Variants in HCRTR2 observed in about 807,000 individuals in gnomAD.
HCRTR2 encodes orexin receptor type 2.
A neutral mutation model predicts 49.0 loss-of-function variants in HCRTR2; 22 were observed. The observed-to-expected ratio is 0.45, with a 90% CI of 0.32 to 0.64. HCRTR2 has a LOEUF of 0.64. HCRTR2 is among the 30% of genes least tolerant of loss of function. The pLI, the probability that HCRTR2 is intolerant of heterozygous loss-of-function variation, is 0.04. For missense variants in HCRTR2, 491 were observed against 559.4 expected (o/e 0.88, Z 1.23); for synonymous variants, 236 against 205.3 (o/e 1.15, Z -1.28).
At chr6:55,141,488 T>G (rs188855876) in intron 1 of HCRTR2, among the ~76,000 whole-genome samples, 2 of 152,336 alleles carry the variant, frequency 1.3e-5, no homozygotes, top group Admixed American at 1.3e-4. Flanking sequence ...AAATTCTATT[T>G]TAATTATCTG....
intron 1 of HCRTR2, among the ~76,000 whole-genome samples, chr6:55,150,392 A>G (rs1764649030): frequency 6.6e-6 from 1 of 151,678 alleles, no homozygotes; most frequent in Admixed American, 6.6e-5. Context: ...ATTTAAGTAT[A>G]CAATACACAT....
chr6:55,117,784 A>G (rs1367165307), intron 1 of HCRTR2, among the ~76,000 whole-genome samples: 1 of 13,338 alleles, frequency 7.5e-5, no homozygotes, highest in African/African-American at 1.8e-4. Flanking sequence ...ATAAAGTCTC[A>G]AAAAAAAAAA....
rs964388682 is a variant in HCRTR2, at chr6:55,184,609, A to T, written c.223+9799A>T. ...AACAATCAATGAAGATGCTACATTG[A>T]CCCCAAGTGAGCCCTTAGGGAATTT... On this transcript the variant is annotated intron_variant, in intron 1 of 6. Coordinates refer to ENST00000370862, the MANE Select transcript of HCRTR2 (RefSeq NM_001384272.1). Among the ~76,000 whole-genome samples, 12 of 152,114 alleles carry T rather than the reference A, an allele frequency of 7.9e-5. No homozygotes were observed. The South Asian group carries it at 2.5e-3, about 32-fold the overall frequency.
intron 1 of HCRTR2, among the ~76,000 whole-genome samples, chr6:55,158,932 C>A (rs944007558): frequency 6.6e-6 from 1 of 152,160 alleles, no homozygotes; most frequent in Non-Finnish European, 1.5e-5. Flanking sequence ...CAGGGGATCT[C>A]CCAGCACAGC....
intron 1 of HCRTR2, among the ~76,000 whole-genome samples, chr6:55,187,018 A>G (rs1765227542): frequency 6.6e-6 from 1 of 152,138 alleles, no homozygotes; most frequent in African/African-American, 2.4e-5. Context: ...AGAATAGGAG[A>G]AACACTAATC....
At chr6:55,277,643 T>C (rs1767104579) in intron 5 of HCRTR2, 43 bp downstream of exon 5, 1 of 1,431,546 alleles carries the variant, frequency 7.0e-7, no homozygotes, top group Non-Finnish European at 9.8e-7. Context: ...GCCTGCCTTT[T>C]CTTGATTCTT....
At chr6:55,243,555 G>A (rs1766374232) in intron 1 of HCRTR2, among the ~76,000 whole-genome samples, 1 of 152,072 alleles carries the variant, frequency 6.6e-6, no homozygotes, top group Non-Finnish European at 1.5e-5. Context: ...TAGACTTTGT[G>A]CCTTTTTTCT....
chr6:55,183,408 G>T (rs1324222977), intron 1 of HCRTR2, among the ~76,000 whole-genome samples: 1 of 152,192 alleles, frequency 6.6e-6, no homozygotes, highest in South Asian at 2.1e-4. Context: ...AAAGTGTTAG[G>T]CAATTGGGTA....
At chr6:55,189,641 G>A (rs80302301) in intron 1 of HCRTR2, among the ~76,000 whole-genome samples, 3,117 of 152,214 alleles carry the variant, frequency 0.02, 113 homozygotes, top group African/African-American at 0.071. Flanking sequence ...GCCTGTTGTC[G>A]GGACTATGGG....
intron 1 of HCRTR2, among the ~76,000 whole-genome samples, chr6:55,127,804 A>G (rs1257149041): frequency 2.2e-5 from 2 of 89,896 alleles, no homozygotes; most frequent in Admixed American, 8.7e-5. Context: ...ATCAATGTCC[A>G]AAAGGAGACT....
chr6:55,195,353 G>A (rs1000726387), intron 1 of HCRTR2, among the ~76,000 whole-genome samples: 2 of 152,076 alleles, frequency 1.3e-5, no homozygotes, highest in Non-Finnish European at 1.5e-5. Context: ...AAGTGATCAA[G>A]GTGTTCTAGG....
At chr6:55,113,939 T>G (rs940007205) in intron 1 of HCRTR2, among the ~76,000 whole-genome samples, 1 of 151,808 alleles carries the variant, frequency 6.6e-6, no homozygotes, top group Middle Eastern at 3.4e-3. Context: ...TTGGTATATA[T>G]AATGGAATAC....
At chr6:55,232,033 A>G (rs1465633027) in intron 1 of HCRTR2, among the ~76,000 whole-genome samples, 1 of 152,090 alleles carries the variant, frequency 6.6e-6, no homozygotes, top group Non-Finnish European at 1.5e-5. Flanking sequence ...CCACTTTCCT[A>G]AACACATTTT....
At chr6:55,139,359 T>G (rs2127251962) in intron 1 of HCRTR2, among the ~76,000 whole-genome samples, 1 of 152,146 alleles carries the variant, frequency 6.6e-6, no homozygotes, top group East Asian at 1.9e-4. Flanking sequence ...GGGACATGAG[T>G]TAGGAGAAAA....
At chr6:55,110,617 TA>T (rs932447071) in intron 1 of HCRTR2, among the ~76,000 whole-genome samples, 2 of 112,650 alleles carry the variant, frequency 1.8e-5, no homozygotes, top group African/African-American at 2.9e-5. Flanking sequence ...CAACAACAAT[TA>T]AAAAAAAGAC....
At chr6:55,279,684 A>C (rs1329611118) in intron 5 of HCRTR2, among the ~76,000 whole-genome samples, 3 of 152,146 alleles carry the variant, frequency 2.0e-5, no homozygotes, top group Admixed American at 1.3e-4. Flanking sequence ...AATATTTCTA[A>C]GTATGGAGAA....
intron 1 of HCRTR2, among the ~76,000 whole-genome samples, chr6:55,208,072 A>G (rs956862959): frequency 6.6e-6 from 1 of 152,108 alleles, no homozygotes; most frequent in Admixed American, 6.6e-5. Context: ...AGCTTTGAAA[A>G]ATCACGGATT....
intron 1 of HCRTR2, among the ~76,000 whole-genome samples, chr6:55,155,852 T>A (rs1305784775): frequency 6.6e-6 from 1 of 152,024 alleles, no homozygotes; most frequent in East Asian, 1.9e-4. Flanking sequence ...ATTCATCTTA[T>A]CTATATAAGC....
At chr6:55,211,307 T>G (rs891233424) in intron 1 of HCRTR2, among the ~76,000 whole-genome samples, 1 of 152,174 alleles carries the variant, frequency 6.6e-6, no homozygotes, top group East Asian at 1.9e-4. Context: ...ATATAATTTT[T>G]AGAAGTACAA....
Sources: allele counts gnomAD v4.1 joint callset (sites outside exome capture counted in the v4.1 genomes callset), GRCh38; gene constraint gnomAD v4.1.1; transcripts MANE v1.5; gene names NCBI Gene and HGNC (gene_info 2026-07-23, HGNC 2026-07-21).